MDGA2: variants seen among roughly 807,000 people sequenced by gnomAD.
The protein encoded by MDGA2 is MAM domain containing glycosylphosphatidylinositol anchor 2, also known as MAM domain-containing glycosylphosphatidylinositol anchor protein 2.
A neutral mutation model predicts 117.8 loss-of-function variants in MDGA2; 40 were observed. The observed-to-expected ratio is 0.34, with a 90% CI of 0.26 to 0.44. The LOEUF is 0.44. Ranked by LOEUF, MDGA2 falls within the 20% of genes least tolerant of loss-of-function variation. MDGA2 has a pLI of 1.00. For synonymous variants in MDGA2, 452 were observed against 439.0 expected (o/e 1.03, Z -0.37); for missense variants, 1,123 against 1,250.6 (o/e 0.90, Z 1.54).
At chr14:47,215,200 G>T (rs1886041634) in intron 3 of MDGA2, among the ~76,000 whole-genome samples, 1 of 151,630 alleles carries the variant, frequency 6.6e-6, no homozygotes, top group South Asian at 2.1e-4. Flanking sequence ...TTTTTTTTTA[G>T]CATTTCCTAA....
chr14:47,388,820 C>A (rs559796272), intron 1 of MDGA2, among the ~76,000 whole-genome samples: 1 of 152,260 alleles, frequency 6.6e-6, no homozygotes, highest in South Asian at 2.1e-4. Context: ...CAAAGCAACG[C>A]CACTTTGGCC....
intron 2 of MDGA2, among the ~76,000 whole-genome samples, chr14:47,287,882 G>T (rs1240017744): frequency 6.6e-6 from 1 of 152,114 alleles, no homozygotes; most frequent in East Asian, 1.9e-4. Flanking sequence ...GTGAAGACAA[G>T]CATGTGATAA....
intron 6 of MDGA2, among the ~76,000 whole-genome samples, chr14:47,093,500 G>A (rs17118047): frequency 0.29 from 44,007 of 151,846 alleles, 6,574 homozygotes; most frequent in Admixed American, 0.35. Context: ...TGTACAACAC[G>A]TGGCTAGGAA....
chr14:47,104,789 G>A (rs887897511), intron 5 of MDGA2, among the ~76,000 whole-genome samples: 5 of 152,068 alleles, frequency 3.3e-5, no homozygotes, highest in Admixed American at 6.5e-5. Context: ...TCCTCAGACC[G>A]ACCAGCCCAA....
intron 1 of MDGA2, among the ~76,000 whole-genome samples, chr14:47,356,354 C>T (rs186211367): frequency 6.6e-6 from 1 of 152,300 alleles, no homozygotes; most frequent in East Asian, 1.9e-4. Flanking sequence ...GATAGTAAAG[C>T]CCTCCATATG....
chr14:47,471,117 G>A (rs1283257377), intron 1 of MDGA2, among the ~76,000 whole-genome samples: 1 of 152,128 alleles, frequency 6.6e-6, no homozygotes, highest in Non-Finnish European at 1.5e-5. Flanking sequence ...GATAGTGCAA[G>A]GAATAAGTGT....
chr14:47,113,144 CT>C (rs903021821), intron 5 of MDGA2, among the ~76,000 whole-genome samples: 1 of 151,934 alleles, frequency 6.6e-6, no homozygotes, highest in Non-Finnish European at 1.5e-5. Flanking sequence ...TATCCACTGA[CT>C]CCACAGAAAT....
At chr14:46,959,287 G>A (rs905257067) in intron 8 of MDGA2, among the ~76,000 whole-genome samples, 4 of 141,736 alleles carry the variant, frequency 2.8e-5, no homozygotes, top group South Asian at 4.4e-4. Flanking sequence ...GTGTGTGTGT[G>A]TGTGTGTGTG....
chr14:47,093,270 G>A (rs1879773936), intron 6 of MDGA2, among the ~76,000 whole-genome samples: 1 of 152,006 alleles, frequency 6.6e-6, no homozygotes, highest in Admixed American at 6.6e-5. Flanking sequence ...CTAAATGTGG[G>A]TTTGTGATTT....
intron 1 of MDGA2, among the ~76,000 whole-genome samples, chr14:47,380,277 T>C (rs564227198): frequency 1.3e-5 from 2 of 152,204 alleles, no homozygotes. Flanking sequence ...AGGAAAGATC[T>C]AAAATTGACA....
chr14:47,576,479 T>C (rs555478534), intron 1 of MDGA2, among the ~76,000 whole-genome samples: 6 of 152,176 alleles, frequency 3.9e-5, no homozygotes, highest in African/African-American at 1.4e-4. Flanking sequence ...AATCAATCAT[T>C]ATAAAAACAA....
intron 1 of MDGA2, among the ~76,000 whole-genome samples, chr14:47,383,641 C>G (rs769291001): frequency 6.6e-6 from 1 of 152,108 alleles, no homozygotes; most frequent in East Asian, 1.9e-4. Flanking sequence ...TGGGTTCAAG[C>G]GATTCTCCTG....
chr14:47,258,239 C>T (rs1163591354), intron 2 of MDGA2, among the ~76,000 whole-genome samples: 3 of 152,002 alleles, frequency 2.0e-5, no homozygotes, highest in Non-Finnish European at 4.4e-5. Context: ...CAAAGAACTA[C>T]CTGAGATTGG....
intron 1 of MDGA2, among the ~76,000 whole-genome samples, chr14:47,317,535 A>G (rs567982944): frequency 1.8e-4 from 28 of 152,086 alleles, no homozygotes; most frequent in Non-Finnish European, 2.6e-4. Flanking sequence ...GGAAGAGTTT[A>G]CCTAAAGCTC....
At chr14:47,062,531 C>T (rs1889925990) in intron 6 of MDGA2, among the ~76,000 whole-genome samples, 1 of 150,480 alleles carries the variant, frequency 6.6e-6, no homozygotes, top group Non-Finnish European at 1.5e-5. Context: ...TTCCCCATTT[C>T]CCTCTCCTTT....
chr14:47,197,316 T>G (rs1885322883), intron 3 of MDGA2, among the ~76,000 whole-genome samples: 1 of 151,954 alleles, frequency 6.6e-6, no homozygotes, highest in African/African-American at 2.4e-5. Context: ...ATGAAGGGGA[T>G]TAGCATCCTT....
chr14:47,458,776 T>C (rs780637191), intron 1 of MDGA2, among the ~76,000 whole-genome samples: 24 of 151,902 alleles, frequency 1.6e-4, no homozygotes, highest in Admixed American at 2.0e-4. Context: ...CCTTAATATA[T>C]ACAATAAACA....
chr14:47,671,243 C>G (rs1227607471), intron 1 of MDGA2, among the ~76,000 whole-genome samples: 1 of 152,150 alleles, frequency 6.6e-6, no homozygotes, highest in African/African-American at 2.4e-5. Context: ...AGATAAATGA[C>G]AGTAAGTTCC....
At chr14:47,248,565 G>A (rs1457457545) in intron 2 of MDGA2, among the ~76,000 whole-genome samples, 2 of 146,322 alleles carry the variant, frequency 1.4e-5, no homozygotes, top group East Asian at 1.9e-4. Context: ...GAACTTATAC[G>A]GTTTTATAGT....
Sources: gnomAD v4.1 joint callset for allele counts (sites outside exome capture counted in the v4.1 genomes callset) on GRCh38, gnomAD v4.1.1 for gene constraint, MANE v1.5 for transcripts, NCBI Gene and HGNC (gene_info 2026-07-23, HGNC 2026-07-21) for gene names.